The following CADM2 variants were observed in gnomAD, a reference collection of about 807,000 sequenced individuals.
The protein encoded by CADM2 is immunoglobulin superfamily member 4D.
In CADM2, 12 loss-of-function variants were observed where a neutral mutation model predicts 49.8. The observed-to-expected ratio is 0.24, with a 90% CI of 0.15 to 0.39. The LOEUF is 0.39. CADM2 is among the 10% of genes least tolerant of loss of function. CADM2 has a pLI of 1.00. For synonymous variants in CADM2, 214 were observed against 175.4 expected (o/e 1.22, Z -1.74); for missense variants, 378 against 492.3 (o/e 0.77, Z 2.20).
In CADM2 at chr3:85,637,121, C is replaced by CT. The variant is rs563166737; in HGVS notation, c.62-89393dup. ...CTGGCATGATTAAATCATGTATATTCTTTTTTTTAAATTGAAACATGCATA... is the reference window on the plus strand; with the variant it reads ...CTGGCATGATTAAATCATGTATATTCTTTTTTTTTAAATTGAAACATGCATA... On this transcript the variant is annotated intron_variant, in intron 1 of 9. Transcript: ENST00000383699. Among the ~76,000 whole-genome samples the CT allele has an allele frequency of 6.0e-4, 91 of 151,940 alleles. 4 individuals carry two copies. In the South Asian group the frequency reaches 0.015, roughly 25 times the overall value.
intron 1 of CADM2, among the ~76,000 whole-genome samples, chr3:85,073,193 G>A (rs953746146): frequency 4.6e-5 from 7 of 152,098 alleles, no homozygotes; most frequent in African/African-American, 7.2e-5. Context: ...CTGAAGGTGC[G>A]TTGAGTTTTG....
At chr3:85,382,435 A>C (rs1057355647) in intron 1 of CADM2, among the ~76,000 whole-genome samples, 9 of 152,152 alleles carry the variant, frequency 5.9e-5, no homozygotes, top group African/African-American at 2.2e-4. Flanking sequence ...TGAAGGATTA[A>C]GCCCTATTAA....
chr3:85,401,457 C>A (rs2035105476), intron 1 of CADM2, among the ~76,000 whole-genome samples: 2 of 152,052 alleles, frequency 1.3e-5, no homozygotes, highest in African/African-American at 4.8e-5. Flanking sequence ...AGACCCATCC[C>A]AGCGGAAACT....
At chr3:85,115,066 A>T (rs1359096569) in intron 1 of CADM2, among the ~76,000 whole-genome samples, 1 of 152,218 alleles carries the variant, frequency 6.6e-6, no homozygotes, top group Non-Finnish European at 1.5e-5. Flanking sequence ...TGGAATGCTT[A>T]AAATTTCAAA....
At chr3:85,622,392 A>G (rs1328727046) in intron 1 of CADM2, among the ~76,000 whole-genome samples, 2 of 152,188 alleles carry the variant, frequency 1.3e-5, no homozygotes, top group Non-Finnish European at 2.9e-5. Context: ...AAACTAAAAA[A>G]TGCTGTAAAT....
At chr3:85,832,573 G>T (rs1286461891) in intron 3 of CADM2, among the ~76,000 whole-genome samples, 1 of 151,310 alleles carries the variant, frequency 6.6e-6, no homozygotes, top group East Asian at 2.0e-4. Context: ...TAGGTATCAT[G>T]CATGGGATCA....
chr3:86,069,278 C>G lies in CADM2; in HGVS notation c.*2495C>G, dbSNP rs939297211. 6.6e-6 allele frequency: 1 copy of G among 151,778 alleles called. No individual in the cohort carries two copies. Among genetic ancestry groups the G allele is most frequent in the African/African-American group, 2.4e-5 (1 of 41,366 alleles). The allele number at this position is 151,778 out of a possible 1,614,324, so 9.4% of individuals were successfully genotyped here. On this transcript the variant is annotated 3_prime_UTR_variant, in exon 10 of 10. Coordinates refer to ENST00000383699, the MANE Select transcript of CADM2 (RefSeq NM_001167675.2). The stretch of plus-strand genomic sequence containing the variant: ...TTCATGATTTTTGACTCTTTTAACC[C>G]TTCAGAGTAATATAAAATCTCATTA...
At chr3:85,772,786 A>C (rs2070157003) in intron 2 of CADM2, among the ~76,000 whole-genome samples, 4 of 149,714 alleles carry the variant, frequency 2.7e-5, no homozygotes, top group Admixed American at 2.7e-4. Context: ...TCTAGAACAG[A>C]AGCTATGTTT....
chr3:85,775,711 C>G (rs1448387355), intron 2 of CADM2, among the ~76,000 whole-genome samples: 2 of 151,734 alleles, frequency 1.3e-5, no homozygotes, highest in Non-Finnish European at 3.0e-5. Context: ...AGAGGTTGAT[C>G]TTCCATTATT....
chr3:85,408,979 C>T (rs2035533530), intron 1 of CADM2, among the ~76,000 whole-genome samples: 1 of 152,124 alleles, frequency 6.6e-6, no homozygotes, highest in Non-Finnish European at 1.5e-5. Flanking sequence ...TGTTTGCAAG[C>T]TCTCCAGAAG....
In CADM2 at chr3:85,925,819, G is replaced by GAGAT. The variant is rs552225037; in HGVS notation, c.701-9932_701-9929dup. 2.4e-3 allele frequency among the ~76,000 whole-genome samples: 372 copies of GAGAT among 152,168 alleles called. 2 individuals carry two copies. Among genetic ancestry groups the GAGAT allele is most frequent in the African/African-American group, 8.0e-3 (334 of 41,516 alleles). On this transcript the variant is annotated intron_variant, in intron 6 of 9. Coordinates refer to ENST00000383699, the MANE Select transcript of CADM2 (RefSeq NM_001167675.2). ...CCTATCTTTTGTAACAAAGAAGACAGAGATAGATAGATAGATAGACAAATA... is the reference window on the plus strand; with the variant it reads ...CCTATCTTTTGTAACAAAGAAGACAGAGATAGATAGATAGATAGATAGACAAATA...
intron 8 of CADM2, among the ~76,000 whole-genome samples, chr3:86,036,880 C>T (rs1384842282): frequency 1.3e-5 from 2 of 152,088 alleles, no homozygotes; most frequent in African/African-American, 2.4e-5. Context: ...TAAAGCTTAA[C>T]ACTTTTTATT....
intron 8 of CADM2, chr3:86,012,798 A>T (rs1731702451): frequency 1.8e-6 from 1 of 569,014 alleles, no homozygotes. Flanking sequence ...AACACGGTGA[A>T]ACCCCGTCTC....
At chr3:86,059,560 G>T (rs1435906171) in intron 8 of CADM2, among the ~76,000 whole-genome samples, 1 of 152,052 alleles carries the variant, frequency 6.6e-6, no homozygotes, top group African/African-American at 2.4e-5. Context: ...ACATTAACAG[G>T]CTAATGCCAA....
intron 1 of CADM2, among the ~76,000 whole-genome samples, chr3:85,596,462 A>G (rs780828544): frequency 3.3e-5 from 5 of 152,134 alleles, no homozygotes; most frequent in Non-Finnish European, 7.4e-5. Context: ...TAACAGCTTT[A>G]TTGATATAAA....
intron 1 of CADM2, among the ~76,000 whole-genome samples, chr3:85,388,909 A>G (rs2034381563): frequency 1.3e-5 from 2 of 152,184 alleles, no homozygotes; most frequent in Admixed American, 1.3e-4. Context: ...GAAAGTTACC[A>G]TCTAAAAAAC....
intron 1 of CADM2, among the ~76,000 whole-genome samples, chr3:85,222,131 G>C (rs2042057833): frequency 1.3e-5 from 2 of 152,132 alleles, no homozygotes; most frequent in Non-Finnish European, 2.9e-5. Context: ...CATAGACTTG[G>C]TTTGAAGGCT....
chr3:85,429,466 A>G (rs1041160696), intron 1 of CADM2, among the ~76,000 whole-genome samples: 7 of 152,114 alleles, frequency 4.6e-5, no homozygotes, highest in African/African-American at 1.7e-4. Context: ...CGTTAAATAT[A>G]ATATGTATTA....
intron 1 of CADM2, among the ~76,000 whole-genome samples, chr3:85,641,830 C>T (rs1315831714): frequency 3.3e-5 from 5 of 151,778 alleles, no homozygotes; most frequent in Non-Finnish European, 7.4e-5. Context: ...ACTCGGGAGG[C>T]TGAGGCAGAA....
Sources: allele counts gnomAD v4.1 joint callset (sites outside exome capture counted in the v4.1 genomes callset), GRCh38; gene constraint gnomAD v4.1.1; transcripts MANE v1.5; gene names NCBI Gene and HGNC (gene_info 2026-07-23, HGNC 2026-07-21).